TDP1: variants seen among roughly 807,000 people sequenced by gnomAD.
TDP1 encodes tyrosyl-DNA phosphodiesterase 1, also known as tyr-DNA phosphodiesterase 1.
TDP1 carries 64 observed loss-of-function variants against 81.5 expected under a neutral mutation model. The ratio of observed to expected loss-of-function variants is 0.79; its 90% confidence interval spans 0.64 to 0.97. TDP1 has a LOEUF of 0.97. Among genes scored for constraint, TDP1 ranks in the 50% least tolerant of loss-of-function variants. The probability of loss-of-function intolerance (pLI) is 0.00; values close to 1 mark genes in which losing one functional copy is unlikely to be tolerated. For synonymous variants in TDP1, 256 were observed against 264.3 expected, an observed-to-expected ratio of 0.97 and a Z score of 0.30; for missense variants, 723 against 743.8, an observed-to-expected ratio of 0.97 and a Z score of 0.33.
chr14:90,011,902 G>C (rs1884751352), intron 14 of TDP1, among the ~76,000 whole-genome samples: 1 of 152,256 alleles, frequency 6.6e-6, no homozygotes, highest in Admixed American at 6.5e-5. Flanking sequence ...ATTTGCATAA[G>C]TAATGAGGAG....
intron 14 of TDP1, among the ~76,000 whole-genome samples, chr14:90,003,141 T>G (rs929085403): frequency 1.4e-4 from 22 of 152,130 alleles, no homozygotes; most frequent in Admixed American, 1.4e-3. Context: ...TTTCACGGTA[T>G]TGGCCAGGCT....
In TDP1 at chr14:90,043,170, G is replaced by A. The variant is rs1261937368; in HGVS notation, c.*27G>A. ...AATCTTGAGGCACTGTGAAATTTAA[G>A]TGTAAGACATTGAGCCACAAACATG... On this transcript the variant is annotated 3_prime_UTR_variant, in exon 17 of 17. Transcript: ENST00000335725. The A allele has an allele frequency of 5.0e-6, 8 of 1,614,126 alleles. No homozygotes were observed. The highest frequency in any genetic ancestry group is 1.7e-4 in the Middle Eastern group (1 of 6,060).
chr14:90,031,265 C>T (rs1250399707), intron 15 of TDP1, among the ~76,000 whole-genome samples: 2 of 138,246 alleles, frequency 1.4e-5, no homozygotes, highest in Admixed American at 1.4e-4. Flanking sequence ...CCCCTCCCCC[C>T]ACCCCACAAC....
At chr14:89,956,337 T>G (rs1223566125) in intron 1 of TDP1, 1 of 152,278 alleles carries the variant, frequency 6.6e-6, no homozygotes, top group Non-Finnish European at 1.5e-5. Context: ...CGCTTAAGCT[T>G]TCTGTGCTCG....
chr14:90,029,810 A>G (rs964457783), intron 15 of TDP1, among the ~76,000 whole-genome samples: 2 of 152,106 alleles, frequency 1.3e-5, no homozygotes, highest in African/African-American at 4.8e-5. Context: ...TGCCACTTTT[A>G]ATAGCTGTGT....
At chr14:89,998,276 A>T (rs1246035119) in intron 14 of TDP1, among the ~76,000 whole-genome samples, 1 of 150,760 alleles carries the variant, frequency 6.6e-6, no homozygotes, top group Non-Finnish European at 1.5e-5. Context: ...ATGAGTTAAA[A>T]GCTTTATTTC....
At chr14:89,990,157 C>T (rs891726860) in intron 12 of TDP1, among the ~76,000 whole-genome samples, 2 of 152,108 alleles carry the variant, frequency 1.3e-5, no homozygotes, top group Non-Finnish European at 2.9e-5. Flanking sequence ...TTTTAAATGC[C>T]TGCTATAGAT....
intron 6 of TDP1, among the ~76,000 whole-genome samples, chr14:89,973,301 A>C (rs1384708191): frequency 6.6e-6 from 1 of 152,260 alleles, no homozygotes; most frequent in Non-Finnish European, 1.5e-5. Context: ...AAACTGACAC[A>C]GAAATCCTGA....
chr14:90,030,812 CTGGAG>C (rs1227423625), intron 15 of TDP1, among the ~76,000 whole-genome samples: 1 of 151,834 alleles, frequency 6.6e-6, no homozygotes, highest in Non-Finnish European at 1.5e-5. Context: ...GTCACCTAGC[CTGGAG>C]TGCAGTGGCG....
chr14:90,007,116 T>G (rs777980116), intron 14 of TDP1, among the ~76,000 whole-genome samples: 11 of 152,244 alleles, frequency 7.2e-5, no homozygotes, highest in Non-Finnish European at 1.5e-4. Flanking sequence ...ATTTCTTTGT[T>G]CTTTTTCTTC....
chr14:89,986,510 G>A (rs951286013), intron 10 of TDP1, among the ~76,000 whole-genome samples: 3 of 152,218 alleles, frequency 2.0e-5, no homozygotes, highest in East Asian at 1.9e-4. Flanking sequence ...CACGTATTAT[G>A]TGTGATCACC....
chr14:90,004,407 T>A (rs1225865461), intron 14 of TDP1, among the ~76,000 whole-genome samples: 1 of 152,236 alleles, frequency 6.6e-6, no homozygotes, highest in Non-Finnish European at 1.5e-5. Flanking sequence ...AATACTTGTA[T>A]GGTGCTTACT....
At chr14:89,956,261 C>G (rs1891604005) in intron 1 of TDP1, 1 of 152,338 alleles carries the variant, frequency 6.6e-6, no homozygotes, top group Non-Finnish European at 1.5e-5. Context: ...GTTTTTATTC[C>G]CAGACCTAAG....
At chr14:89,984,733 G>A in intron 9 of TDP1, 50 bp downstream of exon 9, 1 of 1,607,782 alleles carries the variant, frequency 6.2e-7, no homozygotes, top group Admixed American at 1.7e-5. Flanking sequence ...CTTATACCTT[G>A]GGAGCCTCAT....
At chr14:90,007,177 C>A (rs545553052) in intron 14 of TDP1, among the ~76,000 whole-genome samples, 2 of 152,288 alleles carry the variant, frequency 1.3e-5, no homozygotes, top group African/African-American at 4.8e-5. Context: ...TGAACTGTAT[C>A]TTTTATAGTT....
chr14:89,971,174 G>A lies in TDP1; in HGVS notation c.660-1G>A, dbSNP rs761019842. ...ATTAAATACTAATGCTCTCTTTTTA[G>A]GAAGAAGCCAATCCTGCTTGTGCAT... On this transcript the variant is annotated splice_acceptor_variant, in intron 5 of 16. Coordinates refer to ENST00000335725, the MANE Select transcript of TDP1 (RefSeq NM_018319.4). LOFTEE classifies it high-confidence loss of function. 4.8e-5 allele frequency: 78 copies of A among 1,613,234 alleles called. No individual in the cohort carries two copies. Among genetic ancestry groups the A allele is most frequent in the Non-Finnish European group, 6.5e-5 (77 of 1,179,468 alleles).
chr14:89,977,565 C>G (rs574041655), intron 7 of TDP1, among the ~76,000 whole-genome samples: 1 of 152,046 alleles, frequency 6.6e-6, no homozygotes, highest in Non-Finnish European at 1.5e-5. Context: ...CCCAAAGTGC[C>G]GGGATTACAG....
intron 14 of TDP1, among the ~76,000 whole-genome samples, chr14:90,010,573 G>C (rs1884584726): frequency 6.6e-6 from 1 of 151,580 alleles, no homozygotes; most frequent in Non-Finnish European, 1.5e-5. Context: ...AGAGGGACAA[G>C]TCGAGAGAGA....
At chr14:90,018,824 A>G (rs1885622618) in intron 14 of TDP1, 1 of 202,540 alleles carries the variant, frequency 4.9e-6, no homozygotes. Context: ...CTAGATACAA[A>G]TAACAGTCTT....
Sources: allele counts gnomAD v4.1 joint callset (sites outside exome capture counted in the v4.1 genomes callset), GRCh38; gene constraint gnomAD v4.1.1; transcripts MANE v1.5; gene names NCBI Gene and HGNC (gene_info 2026-07-23, HGNC 2026-07-21).